Variants in FGF14 observed in about 807,000 individuals in gnomAD.
The protein encoded by FGF14 is fibroblast growth factor homologous factor 4.
FGF14 carries 5 observed loss-of-function variants against 25.5 expected under a neutral mutation model. The ratio of observed to expected loss-of-function variants is 0.20; its 90% CI spans 0.10 to 0.41. The LOEUF (loss-of-function observed/expected upper bound fraction) is 0.41, where lower values mean the gene tolerates loss of function less well. FGF14 is among the 10% of genes least tolerant of loss of function. The pLI is 1.00. For missense variants in FGF14, 222 were observed against 320.1 expected (o/e 0.69, Z 2.34); for synonymous variants, 138 against 118.3 (o/e 1.17, Z -1.08).
chr13:102,036,628 T>C (rs1185873439), intron 1 of FGF14, among the ~76,000 whole-genome samples: 1 of 151,432 alleles, frequency 6.6e-6, no homozygotes, highest in African/African-American at 2.4e-5. Context: ...AAGGAAGCAA[T>C]AAGAAACTAA....
At chr13:101,953,141 G>A (rs1189407638) in intron 1 of FGF14, among the ~76,000 whole-genome samples, 2 of 152,064 alleles carry the variant, frequency 1.3e-5, no homozygotes, top group African/African-American at 2.4e-5. Flanking sequence ...TCTCAGAAGC[G>A]TCAACAGTTG....
intron 3 of FGF14, among the ~76,000 whole-genome samples, chr13:101,788,564 C>T (rs749671720): frequency 3.3e-5 from 5 of 151,884 alleles, no homozygotes; most frequent in Admixed American, 1.3e-4. Flanking sequence ...GAGACAAATT[C>T]GATTCCTTTA....
intron 1 of FGF14, among the ~76,000 whole-genome samples, chr13:102,046,749 C>T (rs1184727876): frequency 6.6e-6 from 1 of 152,110 alleles, no homozygotes; most frequent in Non-Finnish European, 1.5e-5. Flanking sequence ...AGATGAAAAG[C>T]CCTAACATCT....
intron 1 of FGF14, among the ~76,000 whole-genome samples, chr13:102,254,733 G>A (rs1373893979): frequency 3.3e-5 from 5 of 152,174 alleles, no homozygotes; most frequent in Non-Finnish European, 7.3e-5. Flanking sequence ...CTAAATGCAC[G>A]TAGCATCATC....
At chr13:102,267,240 C>G (rs989701053) in intron 1 of FGF14, among the ~76,000 whole-genome samples, 3 of 151,982 alleles carry the variant, frequency 2.0e-5, no homozygotes, top group African/African-American at 7.3e-5. Flanking sequence ...TCAACCACAC[C>G]CTAGTCGGGG....
At chr13:102,112,893 A>T (rs140524592) in intron 1 of FGF14, among the ~76,000 whole-genome samples, 2 of 152,272 alleles carry the variant, frequency 1.3e-5, no homozygotes, top group Non-Finnish European at 2.9e-5. Context: ...AAGTCTTCCA[A>T]GTTTGGGTTC....
At chr13:101,940,358 A>T (rs998027040) in intron 1 of FGF14, among the ~76,000 whole-genome samples, 4 of 152,214 alleles carry the variant, frequency 2.6e-5, no homozygotes, top group African/African-American at 9.6e-5. Flanking sequence ...CATTCAATAG[A>T]GCCTTAATTC....
chr13:102,011,726 G>A (rs915099771), intron 1 of FGF14, among the ~76,000 whole-genome samples: 2 of 152,198 alleles, frequency 1.3e-5, no homozygotes, highest in Admixed American at 1.3e-4. Context: ...AAGGATCACA[G>A]AAATGCGACC....
intron 1 of FGF14, among the ~76,000 whole-genome samples, chr13:101,987,352 G>A (rs536251649): frequency 6.6e-6 from 1 of 152,084 alleles, no homozygotes; most frequent in East Asian, 1.9e-4. Context: ...TCAGCAGCCT[G>A]CCTTTTTCCA....
At chr13:101,886,618 T>C (rs2046001319) in intron 1 of FGF14, among the ~76,000 whole-genome samples, 2 of 152,158 alleles carry the variant, frequency 1.3e-5, no homozygotes, top group Non-Finnish European at 2.9e-5. Context: ...AAAGAATTTC[T>C]CAGGACATTG....
At position 101,954,796 on chromosome 13, in the gene FGF14, G is replaced by A. The variant is rs534081847; in HGVS notation, c.209-79500C>T. On this transcript the variant is annotated intron_variant, in intron 1 of 4. Coordinates refer to the FGF14 transcript ENST00000376131. Reference sequence around the variant, plus strand: ...TAGAGGTAACAAAATAGCAGTATAAGTTCTAGCAGCTATGAGAATTCAGAG... The same window carrying A: ...TAGAGGTAACAAAATAGCAGTATAAATTCTAGCAGCTATGAGAATTCAGAG... Among the ~76,000 whole-genome samples, 7 of 152,302 alleles carry A rather than the reference G, an allele frequency of 4.6e-5. No individual in the cohort carries two copies. The South Asian group carries it at 1.4e-3, about 32-fold the overall frequency.
chr13:101,748,941 A>T (rs1248995949), intron 3 of FGF14, among the ~76,000 whole-genome samples: 2 of 152,164 alleles, frequency 1.3e-5, no homozygotes, highest in East Asian at 3.9e-4. Context: ...GAATGAATAA[A>T]CAAAACTTGG....
intron 1 of FGF14, among the ~76,000 whole-genome samples, chr13:102,026,191 GA>G (rs1345144684): frequency 6.6e-6 from 1 of 151,932 alleles, no homozygotes; most frequent in Admixed American, 6.6e-5. Flanking sequence ...CATTGATTGA[GA>G]TGAGCATGCT....
intron 1 of FGF14, among the ~76,000 whole-genome samples, chr13:102,234,071 A>T (rs912358304): frequency 6.6e-6 from 1 of 152,184 alleles, no homozygotes; most frequent in Non-Finnish European, 1.5e-5. Context: ...GTGGTTTAAC[A>T]GGCAGAGTTT....
intron 3 of FGF14, among the ~76,000 whole-genome samples, chr13:101,769,458 T>A (rs1358058698): frequency 6.6e-6 from 1 of 152,166 alleles, no homozygotes; most frequent in Admixed American, 6.6e-5. Flanking sequence ...CCTTGATATG[T>A]ACCCTAAAAT....
At chr13:102,353,249 T>C (rs1050413167) in intron 1 of FGF14, among the ~76,000 whole-genome samples, 1 of 152,212 alleles carries the variant, frequency 6.6e-6, no homozygotes, top group Non-Finnish European at 1.5e-5. Context: ...TTGCTGTGCA[T>C]TCTCTCTCAA....
intron 1 of FGF14, among the ~76,000 whole-genome samples, chr13:102,395,974 CAG>C (rs1414666345): frequency 1.3e-5 from 2 of 152,196 alleles, no homozygotes; most frequent in Admixed American, 1.3e-4. Flanking sequence ...GAGAACTACA[CAG>C]GGAAAACATC....
chr13:101,866,245 A>G (rs1052243693), intron 3 of FGF14, among the ~76,000 whole-genome samples: 2 of 152,136 alleles, frequency 1.3e-5, no homozygotes, highest in African/African-American at 2.4e-5. Context: ...ACAATTCCCT[A>G]AAAGTTTTTC....
rs779246231 is a variant in FGF14, at chr13:102,401,712, GT to G, written c.-35del. 22 of 1,570,794 alleles carry G rather than the reference GT, an allele frequency of 1.4e-5. No homozygotes were observed. The East Asian group carries it at 2.9e-4, about 21-fold the overall frequency. On this transcript the variant is annotated 5_prime_UTR_variant, in exon 1 of 5. Coordinates refer to the FGF14 transcript ENST00000376131. ...CGATAATATTCCGGATCTTCTCCCA[GT>G]TTTTTCCCCTCACGTGGTATATTTC...
Sources: allele counts gnomAD v4.1 joint callset (sites outside exome capture counted in the v4.1 genomes callset), GRCh38; gene constraint gnomAD v4.1.1; transcripts MANE v1.5; gene names NCBI Gene and HGNC (gene_info 2026-07-23, HGNC 2026-07-21).